EYA4: variants seen among roughly 807,000 people sequenced by gnomAD.
EYA4 encodes the protein EYA transcriptional coactivator and phosphatase 4.
A neutral mutation model predicts 87.9 loss-of-function variants in EYA4; 31 were observed. The ratio of observed to expected loss-of-function variants is 0.35; its 90% confidence interval spans 0.27 to 0.48. The LOEUF (loss-of-function observed/expected upper bound fraction) is 0.48. EYA4 is among the 20% of genes least tolerant of loss of function. The probability of loss-of-function intolerance (pLI) is 0.99; values close to 1 mark genes in which losing one functional copy is unlikely to be tolerated. For synonymous variants in EYA4, 263 were observed against 270.6 expected, an observed-to-expected ratio of 0.97 and a Z score of 0.28; for missense variants, 678 against 761.4, an observed-to-expected ratio of 0.89 and a Z score of 1.29.
At chr6:133,456,488 G>A in intron 5 of EYA4, 68 bp from the exon 6 acceptor site, 5 of 1,073,454 alleles carry the variant, frequency 4.7e-6, no homozygotes, top group Non-Finnish European at 7.3e-6. Context: ...AATATCACTA[G>A]TAGAACGGAC....
At chr6:133,292,635 G>A (rs373030591) in intron 2 of EYA4, among the ~76,000 whole-genome samples, 14 of 152,142 alleles carry the variant, frequency 9.2e-5, no homozygotes, top group African/African-American at 2.9e-4. Context: ...GTCCCTGGTT[G>A]CTCTTTGTTT....
intron 16 of EYA4, among the ~76,000 whole-genome samples, chr6:133,513,962 A>G (rs921754266): frequency 6.6e-6 from 1 of 152,174 alleles, no homozygotes; most frequent in African/African-American, 2.4e-5. Context: ...CATATATAGT[A>G]TATAATCACA....
intron 3 of EYA4, among the ~76,000 whole-genome samples, chr6:133,429,718 G>A (rs1223160327): frequency 2.0e-5 from 3 of 152,176 alleles, no homozygotes; most frequent in Non-Finnish European, 4.4e-5. Flanking sequence ...CTCTGATGAA[G>A]GGGCTTTGAG....
intron 3 of EYA4, among the ~76,000 whole-genome samples, chr6:133,385,391 C>CTGTG (rs66881281): frequency 0.015 from 1,765 of 115,202 alleles, 48 homozygotes; most frequent in Admixed American, 0.043. Flanking sequence ...TATGCTCTCT[C>CTGTG]TGTGTGTGTG....
intron 6 of EYA4, among the ~76,000 whole-genome samples, chr6:133,457,371 C>T (rs959549046): frequency 2.6e-5 from 4 of 152,026 alleles, no homozygotes; most frequent in Non-Finnish European, 5.9e-5. Flanking sequence ...TGAGGAGGAT[C>T]GGGTACATCA....
In EYA4 at chr6:133,530,236, C is replaced by T. The variant is rs924414648; in HGVS notation, c.*1431C>T. ...TGAATACATCAATGCAGGTTCTCCT[C>T]GTAACAGACTTGCATATGTTTGTTA... On this transcript the variant is annotated 3_prime_UTR_variant, in exon 20 of 20. Coordinates refer to ENST00000355286, the MANE Select transcript of EYA4 (RefSeq NM_004100.5). The T allele has an allele frequency of 3.0e-6, 3 of 985,326 alleles. No homozygotes were observed. The highest frequency in any genetic ancestry group is 3.6e-6 in the Non-Finnish European group (3 of 829,854). The allele number at this position is 985,326 out of a possible 1,614,324, so 61.0% of individuals were successfully genotyped here. A position where few individuals can be genotyped will look rare whatever the true frequency, so the allele number is the denominator to read the frequency against.
intron 3 of EYA4, among the ~76,000 whole-genome samples, chr6:133,386,333 A>G (rs1226185895): frequency 6.6e-6 from 1 of 152,196 alleles, no homozygotes; most frequent in East Asian, 1.9e-4. Context: ...TCCTGGACAA[A>G]TGAATTTTAC....
chr6:133,249,583 A>G (rs1292227351), intron 1 of EYA4, among the ~76,000 whole-genome samples: 1 of 152,182 alleles, frequency 6.6e-6, no homozygotes, highest in Non-Finnish European at 1.5e-5. Flanking sequence ...CCCCACTCAC[A>G]ACAACTCTCT....
intron 2 of EYA4, among the ~76,000 whole-genome samples, chr6:133,284,962 A>G (rs1777915195): frequency 6.6e-6 from 1 of 151,490 alleles, no homozygotes; most frequent in Non-Finnish European, 1.5e-5. Flanking sequence ...CAGGGTAGGT[A>G]GGTGAAGGGA....
chr6:133,345,297 T>C (rs1395214021), intron 2 of EYA4, among the ~76,000 whole-genome samples: 1 of 152,050 alleles, frequency 6.6e-6, no homozygotes. Flanking sequence ...TATGATGAGA[T>C]ATTGAGTTTG....
Position 133,267,527 on chromosome 6 carries a change from C to T in EYA4, c.-65-7189C>T, listed in dbSNP as rs189184341. 7.0e-3 allele frequency among the ~76,000 whole-genome samples: 1,064 copies of T among 152,046 alleles called. 8 individuals carry two copies. Among genetic ancestry groups the T allele is most frequent in the African/African-American group, 0.024 (993 of 41,482 alleles). ...CCTCCTGAGTAATTGGGATTACAGG[C>T]GCCCGCCACCATGCCCGGCTAATTT... On this transcript the variant is annotated intron_variant, in intron 1 of 19. Coordinates refer to ENST00000355286, the MANE Select transcript of EYA4 (RefSeq NM_004100.5).
intron 17 of EYA4, among the ~76,000 whole-genome samples, chr6:133,520,814 T>A (rs1249897635): frequency 6.6e-6 from 1 of 151,714 alleles, no homozygotes; most frequent in Non-Finnish European, 1.5e-5. Flanking sequence ...ACACCGCCTA[T>A]CTACAACTAT....
rs150418438 is a variant in EYA4 at position 133,281,005 on chromosome 6, CAT to C, written c.33+6194_33+6195del. On this transcript the variant is annotated intron_variant, in intron 2 of 19. Coordinates refer to ENST00000355286, the MANE Select transcript of EYA4 (RefSeq NM_004100.5). ...TTTGTGGCTTGCTTTTTATACGTGA[CAT>C]AATGTTTGCAAGGTTCATCTATGTT... Among the ~76,000 whole-genome samples, 317 of 152,180 alleles carry C rather than the reference CAT, an allele frequency of 2.1e-3. 2 individuals are homozygous for C. The highest frequency in any genetic ancestry group is 7.2e-3 in the African/African-American group (298 of 41,520).
intron 3 of EYA4, among the ~76,000 whole-genome samples, chr6:133,382,957 T>C (rs928414671): frequency 2.0e-5 from 3 of 152,202 alleles, no homozygotes; most frequent in African/African-American, 7.2e-5. Context: ...GGCCACTTCA[T>C]ATAGGAATTT....
At chr6:133,514,256 G>T (rs1002110266) in intron 16 of EYA4, among the ~76,000 whole-genome samples, 3 of 152,160 alleles carry the variant, frequency 2.0e-5, no homozygotes, top group Admixed American at 1.3e-4. Flanking sequence ...TGTACATGAT[G>T]CTTTTGTAAA....
At chr6:133,385,247 C>G (rs572289593) in intron 3 of EYA4, among the ~76,000 whole-genome samples, 1 of 146,180 alleles carries the variant, frequency 6.8e-6, no homozygotes, top group African/African-American at 2.5e-5. Flanking sequence ...TGCAGTGAGC[C>G]GAGATTGTGC....
intron 3 of EYA4, among the ~76,000 whole-genome samples, chr6:133,407,730 T>C (rs993969644): frequency 1.6e-5 from 2 of 125,348 alleles, no homozygotes; most frequent in African/African-American, 6.0e-5. Context: ...TTGTTACTAA[T>C]TTTCAGGAAA....
intron 11 of EYA4, among the ~76,000 whole-genome samples, chr6:133,476,782 G>A (rs570265147): frequency 6.6e-6 from 1 of 152,124 alleles, no homozygotes; most frequent in African/African-American, 2.4e-5. Flanking sequence ...TGTGATTGCT[G>A]GATCATATGG....
chr6:133,478,089 C>T (rs1347719015), intron 11 of EYA4, among the ~76,000 whole-genome samples: 5 of 151,922 alleles, frequency 3.3e-5, no homozygotes, highest in African/African-American at 7.2e-5. Context: ...AATAAAAAAA[C>T]GCTAACAATA....
Sources: allele counts gnomAD v4.1 joint callset (sites outside exome capture counted in the v4.1 genomes callset), GRCh38; gene constraint gnomAD v4.1.1; transcripts MANE v1.5; gene names NCBI Gene and HGNC (gene_info 2026-07-23, HGNC 2026-07-21).